The following METTL15 variants were observed in gnomAD, a reference collection of about 807,000 sequenced individuals.
METTL15 encodes methyltransferase 15, mitochondrial 12S rRNA N4-cytidine, also known as 12S rRNA N(4)-cytidine methyltransferase METTL15.
A neutral mutation model predicts 38.3 loss-of-function variants in METTL15; 34 were observed. The ratio of observed to expected loss-of-function variants is 0.89; its 90% CI spans 0.68 to 1.18. The LOEUF (loss-of-function observed/expected upper bound fraction) is 1.18, where lower values mean the gene tolerates loss of function less well. Among genes scored for constraint, METTL15 ranks in the 50% most tolerant of loss-of-function variants. METTL15 has a pLI of 0.00. For missense variants in METTL15, 438 were observed against 498.4 expected (o/e 0.88, Z 1.15); for synonymous variants, 162 against 170.9 (o/e 0.95, Z 0.41).
chr11:28,462,451 TACAC>T (rs1851223907), intron 6 of METTL15, among the ~76,000 whole-genome samples: 1 of 139,146 alleles, frequency 7.2e-6, no homozygotes, highest in Admixed American at 7.1e-5. Context: ...CACATACACA[TACAC>T]ACACATCTGC....
chr11:28,365,773 C>T (rs1436753512), intron 5 of METTL15, among the ~76,000 whole-genome samples: 1 of 152,064 alleles, frequency 6.6e-6, no homozygotes, highest in Non-Finnish European at 1.5e-5. Context: ...ATGGGCCAGG[C>T]GCGGTGGCTC....
At chr11:28,390,046 G>C (rs960714183) in intron 5 of METTL15, among the ~76,000 whole-genome samples, 3 of 151,300 alleles carry the variant, frequency 2.0e-5, no homozygotes, top group Non-Finnish European at 4.4e-5. Context: ...AGAAGTGTCT[G>C]TTCATATCCT....
intron 3 of METTL15, among the ~76,000 whole-genome samples, chr11:28,120,344 A>G (rs1852173724): frequency 6.6e-6 from 1 of 150,844 alleles, no homozygotes; most frequent in Admixed American, 6.6e-5. Flanking sequence ...TTTTTAAAAT[A>G]CAGGTTTCTT....
intron 4 of METTL15, among the ~76,000 whole-genome samples, chr11:28,234,057 T>C (rs1422817509): frequency 1.3e-5 from 2 of 151,878 alleles, no homozygotes; most frequent in African/African-American, 4.8e-5. Context: ...ATATGGTGTT[T>C]GGTTTTTTGT....
rs575005848 is a variant in METTL15 at position 28,396,678 on chromosome 11, T to C, written c.*359-27621T>C. On this transcript the variant is annotated intron_variant and NMD_transcript_variant, in intron 5 of 7. Transcript: ENST00000532947. ...TGGCCATACTGCCCAAGGTAATTTA[T>C]AGATTCAATGCCATCCCCATCAAGC... is the stretch of plus-strand genomic sequence containing the variant. 3.9e-5 allele frequency among the ~76,000 whole-genome samples: 6 copies of C among 152,242 alleles called. No individual in the cohort carries two copies. The South Asian group carries it at 6.2e-4, about 16-fold the overall frequency.
At chr11:28,529,347 C>A (rs567008608), downstream of METTL15, among the ~76,000 whole-genome samples, 1 of 152,034 alleles carries the variant, frequency 6.6e-6, no homozygotes. Context: ...GCATGCAGTT[C>A]ATCAGCTTCA....
chr11:28,310,914 C>CTGCTGCTGCTGCTGCTGCTGCTGG (rs1296842131), intron 6 of METTL15, among the ~76,000 whole-genome samples: 1 of 110,082 alleles, frequency 9.1e-6, no homozygotes, highest in African/African-American at 3.6e-5. Context: ...GCTGCTGCTG[C>CTGCTGCTGCTGCTGCTGCTGCTGG]TGGTGGTGGT....
intron 6 of METTL15, among the ~76,000 whole-genome samples, chr11:28,503,944 C>T (rs1344302541): frequency 6.6e-6 from 1 of 151,584 alleles, no homozygotes; most frequent in African/African-American, 2.4e-5. Context: ...ACCTATAATC[C>T]CAGCACTTTG....
intron 6 of METTL15, among the ~76,000 whole-genome samples, chr11:28,441,077 A>AG (rs1851031097): frequency 8.1e-6 from 1 of 122,820 alleles, no homozygotes; most frequent in African/African-American, 2.9e-5. Context: ...TTTTTTTTGT[A>AG]GGATTTATAT....
chr11:28,311,592 A>G (rs1857306587), intron 6 of METTL15, among the ~76,000 whole-genome samples: 1 of 152,242 alleles, frequency 6.6e-6, no homozygotes, highest in Admixed American at 6.5e-5. Flanking sequence ...CTGCCCTAAA[A>G]AAGCAAGAAT....
At chr11:28,278,181 T>A (rs1186600410) in intron 4 of METTL15, among the ~76,000 whole-genome samples, 1 of 152,064 alleles carries the variant, frequency 6.6e-6, no homozygotes, top group Non-Finnish European at 1.5e-5. Flanking sequence ...AGGCCTTATA[T>A]GAGAGAGAGA....
At chr11:28,406,453 A>G (rs903986217) in intron 5 of METTL15, among the ~76,000 whole-genome samples, 16 of 152,146 alleles carry the variant, frequency 1.1e-4, no homozygotes, top group Non-Finnish European at 1.8e-4. Flanking sequence ...GAAGTTGCTT[A>G]TCAGCTTAAG....
chr11:28,248,188 C>G (rs1356853172), intron 4 of METTL15, among the ~76,000 whole-genome samples: 1 of 152,058 alleles, frequency 6.6e-6, no homozygotes, highest in Non-Finnish European at 1.5e-5. Flanking sequence ...TGTCTTTCTT[C>G]TCTTTGCATA....
chr11:28,443,895 C>T (rs1453381275), intron 6 of METTL15, among the ~76,000 whole-genome samples: 4 of 152,192 alleles, frequency 2.6e-5, no homozygotes, highest in African/African-American at 9.7e-5. Context: ...AATTTATTCT[C>T]CATGCAGCAG....
chr11:28,448,248 G>T (rs1436637996), intron 6 of METTL15, among the ~76,000 whole-genome samples: 1 of 152,120 alleles, frequency 6.6e-6, no homozygotes, highest in Non-Finnish European at 1.5e-5. Context: ...GTATTTGTTG[G>T]TATCTTTGTT....
chr11:28,224,534 A>C (rs564323585), intron 4 of METTL15, among the ~76,000 whole-genome samples: 13 of 152,036 alleles, frequency 8.6e-5, no homozygotes, highest in Middle Eastern at 3.5e-3. Flanking sequence ...TTGGTTATCT[A>C]TGCATATATG....
rs141895908 is a variant in METTL15 at position 28,230,892 on chromosome 11, A to C, written c.407+19694A>C. ...CTGTGTATGGGGAAATAGACTTGGC[A>C]TGGGGAATGCTCAGAAGCTCAAGAT... is the stretch of plus-strand genomic sequence containing the variant. On this transcript the variant is annotated intron_variant, in intron 4 of 6. Coordinates refer to ENST00000407364, the MANE Select transcript of METTL15 (RefSeq NM_001113528.2). 9.9e-5 allele frequency among the ~76,000 whole-genome samples: 15 copies of C among 151,972 alleles called. No homozygotes were observed. The East Asian group carries it at 2.9e-3, about 29-fold the overall frequency.
intron 4 of METTL15, among the ~76,000 whole-genome samples, chr11:28,240,678 A>C (rs1485591728): frequency 6.6e-6 from 1 of 152,166 alleles, no homozygotes; most frequent in Non-Finnish European, 1.5e-5. Context: ...ATTGATCTGC[A>C]TTGATGTATT....
chr11:28,354,816 G>A (rs1354487372), intron 4 of METTL15, among the ~76,000 whole-genome samples: 1 of 152,118 alleles, frequency 6.6e-6, no homozygotes, highest in Non-Finnish European at 1.5e-5. Context: ...ATCCCTTCGT[G>A]TATGTTTTGA....
Sources: allele counts gnomAD v4.1 joint callset (sites outside exome capture counted in the v4.1 genomes callset), GRCh38; gene constraint gnomAD v4.1.1; transcripts MANE v1.5; gene names NCBI Gene and HGNC (gene_info 2026-07-23, HGNC 2026-07-21).